IGHMBP2: variants seen among roughly 807,000 people sequenced by gnomAD.
IGHMBP2 encodes DNA-binding protein SMUBP-2.
Under a neutral mutation model 96.0 loss-of-function variants are expected in IGHMBP2, and 81 were observed. The ratio of observed to expected loss-of-function variants is 0.84; its 90% confidence interval spans 0.71 to 1.01. The LOEUF is 1.01. IGHMBP2 is among the 50% of genes least tolerant of loss of function. The probability of loss-of-function intolerance (pLI) is 0.00; values close to 1 mark genes in which losing one functional copy is unlikely to be tolerated. For synonymous variants in IGHMBP2, 557 were observed against 548.9 expected, an observed-to-expected ratio of 1.01 and a Z score of -0.21; for missense variants, 1,227 against 1,306.3, an observed-to-expected ratio of 0.94 and a Z score of 0.94.
intron 7 of IGHMBP2, among the ~76,000 whole-genome samples, chr11:68,919,385 T>C (rs190912178): frequency 6.6e-6 from 1 of 152,190 alleles, no homozygotes; most frequent in African/African-American, 2.4e-5. Flanking sequence ...TTCTCCCAGC[T>C]CAGCCTCCTG....
At chr11:68,933,179 T>C in intron 8 of IGHMBP2, 120 bp from the exon 9 acceptor site, 1 of 1,056,250 alleles carries the variant, frequency 9.5e-7, no homozygotes, top group Non-Finnish European at 1.4e-6. Flanking sequence ...TACTTCTGGG[T>C]CAGAATCCAG....
chr11:68,917,941 C>T, intron 7 of IGHMBP2, 58 bp downstream of exon 7: 8 of 1,556,664 alleles, frequency 5.1e-6, no homozygotes, highest in South Asian at 1.1e-5. Flanking sequence ...GGGGTGTGTT[C>T]CCTCTTCTGT....
chr11:68,932,984 G>C, intron 8 of IGHMBP2: 2 of 446,064 alleles, frequency 4.5e-6, no homozygotes, highest in East Asian at 4.2e-5. Flanking sequence ...ACTGACCCTC[G>C]CATGCCCCCT....
chr11:68,933,556 G>A, intron 9 of IGHMBP2, 75 bp downstream of exon 9: 2 of 1,497,602 alleles, frequency 1.3e-6, no homozygotes, highest in Non-Finnish European at 1.8e-6. Flanking sequence ...TTTCTACGCA[G>A]CAAGCTAAAG....
At position 68,911,591 on chromosome 11, in the gene IGHMBP2, A is replaced by G; in HGVS notation, c.699A>G (p.Lys233=). The stretch of plus-strand genomic sequence containing the variant: ...TTGAGATCATTCTTCAAGCTGTGAA[A>G]CAAGGCTTAAAGGTGGGCAGTGCAT... ...TVVEIILQAV[K]QGLKVLCCAP... Residue 233 remains lysine (K), a synonymous_variant, in exon 5 of 15, where the codon AAA becomes AAG. Transcript: ENST00000255078. 6.2e-7 allele frequency: 1 copy of G among 1,614,184 alleles called. No individual in the cohort carries two copies. The highest frequency in any genetic ancestry group is 8.5e-7 in the Non-Finnish European group (1 of 1,180,040).
chr11:68,914,449 C>T (rs1858568302), intron 5 of IGHMBP2, among the ~76,000 whole-genome samples: 1 of 152,192 alleles, frequency 6.6e-6, no homozygotes, highest in Admixed American at 6.5e-5. Flanking sequence ...CTCAGACCTG[C>T]AGGGGAGCAT....
intron 1 of IGHMBP2, among the ~76,000 whole-genome samples, chr11:68,904,255 C>T (rs1167911470): frequency 1.3e-5 from 2 of 152,178 alleles, no homozygotes; most frequent in Non-Finnish European, 1.5e-5. Flanking sequence ...CCTTAAGAAG[C>T]ACTTTGATTT....
chr11:68,932,539 CTCATGAGGT>C (rs1859354307), intron 8 of IGHMBP2: 1 of 152,266 alleles, frequency 6.6e-6, no homozygotes, highest in African/African-American at 2.4e-5. Context: ...CAGTAGCCAC[CTCATGAGGT>C]TGTTATAAGG....
rs1566447142 is a variant in IGHMBP2, at chr11:68,936,897, A to G, written c.2417A>G (p.Gln806Arg). 1 of 1,609,028 alleles carries G rather than the reference A, an allele frequency of 6.2e-7. No individual in the cohort carries two copies. Among genetic ancestry groups the G allele is most frequent in the Non-Finnish European group, 8.5e-7 (1 of 1,178,134 alleles). ...PAGTGGPAPL[Q>R]PVPPTPAQTE... is the part of the protein sequence containing the mutation. The stretch of plus-strand genomic sequence containing the variant: ...GGGACCGGTGGCCCAGCCCCTCTCC[A>G]GCCAGTGCCCCCTACCCCTGCGCAG... Residue 806 changes from glutamine to arginine, a missense_variant, in exon 13 of 15, where the codon CAG (glutamine) becomes CGG (arginine). Physicochemically the swap from Gln to Arg is conservative, Grantham distance 43 (BLOSUM62 1). Transcript: ENST00000255078.
Position 68,938,369 on chromosome 11 carries a change from C to A in IGHMBP2, c.2784+15C>A, listed in dbSNP as rs372512149. 4.4e-6 allele frequency: 7 copies of A among 1,598,220 alleles called. No homozygotes were observed. Among genetic ancestry groups the A allele is most frequent in the Non-Finnish European group, 5.1e-6 (6 of 1,173,790 alleles). ...ACCTGCCCGAGGTATGTCGGCCTCC[C>A]CTCCTGCGATCAAACAGTGGGGAGG... On this transcript the variant is annotated intron_variant, in intron 14 of 14. Coordinates refer to ENST00000255078, the MANE Select transcript of IGHMBP2 (RefSeq NM_002180.3).
intron 5 of IGHMBP2, 144 bp from the exon 6 acceptor site, chr11:68,914,679 G>GA: frequency 1.1e-6 from 1 of 893,476 alleles, no homozygotes; most frequent in Non-Finnish European, 1.8e-6. Context: ...CGTGGGCTTG[G>GA]AAAATGAATG....
At chr11:68,930,634 C>T (rs1265672461) in intron 8 of IGHMBP2, 17 of 455,074 alleles carry the variant, frequency 3.7e-5, no homozygotes, top group East Asian at 1.6e-4. Context: ...GAAACCTCTG[C>T]GGCCGCAGCA....
intron 12 of IGHMBP2, 31 bp from the exon 13 acceptor site, chr11:68,936,206 C>T: frequency 1.2e-6 from 2 of 1,612,396 alleles, no homozygotes; most frequent in Non-Finnish European, 1.7e-6. Flanking sequence ...AGTCTGAAAC[C>T]TGCTTCTCAC....
At chr11:68,924,249 A>C (rs1056239386) in intron 7 of IGHMBP2, among the ~76,000 whole-genome samples, 3 of 151,960 alleles carry the variant, frequency 2.0e-5, no homozygotes, top group African/African-American at 7.3e-5. Context: ...AGGAGAGAGC[A>C]CTCCCGTTAC....
At chr11:68,914,749 T>C in intron 5 of IGHMBP2, 74 bp from the exon 6 acceptor site, 2 of 1,497,318 alleles carry the variant, frequency 1.3e-6, no homozygotes, top group Non-Finnish European at 1.9e-6. Context: ...CTTTAAGGCT[T>C]TTTGTTGTTT....
chr11:68,916,052 T>C (rs1858654706), intron 6 of IGHMBP2, among the ~76,000 whole-genome samples: 1 of 151,440 alleles, frequency 6.6e-6, no homozygotes, highest in South Asian at 2.1e-4. Context: ...CGGGCACCTG[T>C]ATTCCCAGCC....
At chr11:68,924,528 G>A (rs555323632) in intron 7 of IGHMBP2, among the ~76,000 whole-genome samples, 1 of 152,368 alleles carries the variant, frequency 6.6e-6, no homozygotes, top group South Asian at 2.1e-4. Flanking sequence ...GCCTGGAAAG[G>A]ATCTTTCTTC....
At chr11:68,904,788 CTTT>C (rs1156973115) in intron 1 of IGHMBP2, among the ~76,000 whole-genome samples, 8 of 78,412 alleles carry the variant, frequency 1.0e-4, no homozygotes, top group African/African-American at 3.0e-4. Flanking sequence ...GTGTAAGTTT[CTTT>C]TTTTTCTTTT....
chr11:68,904,803 C>CTTTTCTTTTTTTTTTTTTTTTTTTT lies in IGHMBP2; in HGVS notation c.86+769_86+770insCTTTTTTTTTTTTTTTTTTTTTTTT, dbSNP rs892709461. 5.7e-4 allele frequency among the ~76,000 whole-genome samples: 69 copies of CTTTTCTTTTTTTTTTTTTTTTTTTT among 120,980 alleles called. 7 individuals carry two copies. Among genetic ancestry groups the CTTTTCTTTTTTTTTTTTTTTTTTTT allele is most frequent in the Non-Finnish European group, 8.6e-4 (50 of 58,290 alleles). 79.4% of individuals were successfully genotyped at this position (120,980 alleles called of 152,430 possible). On this transcript the variant is annotated intron_variant, in intron 1 of 14. Transcript: ENST00000255078. Reference sequence around the variant, plus strand: ...GTGTAAGTTTCTTTTTTTTCTTTTTCTTTTTTTTTTTTTTAGACAGAGTCT... The same window carrying CTTTTCTTTTTTTTTTTTTTTTTTTT: ...GTGTAAGTTTCTTTTTTTTCTTTTTCTTTTCTTTTTTTTTTTTTTTTTTTTTTTTTTTTTTTTTTAGACAGAGTCT...
Sources: gnomAD v4.1 joint callset for allele counts (sites outside exome capture counted in the v4.1 genomes callset) on GRCh38, gnomAD v4.1.1 for gene constraint, MANE v1.5 for transcripts, NCBI Gene and HGNC (gene_info 2026-07-23, HGNC 2026-07-21) for gene names.